The following LRBA variants were observed in gnomAD, a reference collection of about 807,000 sequenced individuals.
The protein encoded by LRBA is LPS responsive beige-like anchor protein, also known as lipopolysaccharide-responsive and beige-like anchor protein.
Under a neutral mutation model 330.0 loss-of-function variants are expected in LRBA, and 176 were observed. The ratio of observed to expected loss-of-function variants is 0.53; its 90% CI spans 0.47 to 0.60. LRBA has a LOEUF of 0.60. LRBA is among the 20% of genes least tolerant of loss of function. The pLI is 0.00. For synonymous variants in LRBA, 1,230 were observed against 1,193.0 expected (o/e 1.03, Z -0.64); for missense variants, 3,259 against 3,444.8 (o/e 0.95, Z 1.35).
Position 150,418,019 on chromosome 4 carries a change from GT to G in LRBA, c.7042-2430del, listed in dbSNP as rs201449584. 8.0e-3 allele frequency among the ~76,000 whole-genome samples: 1,056 copies of G among 132,184 alleles called. 18 individuals are homozygous for G. The highest frequency in any genetic ancestry group is 0.041 in the Admixed American group (544 of 13,212). 86.7% of individuals were successfully genotyped at this position (132,184 alleles called of 152,430 possible). A position where few individuals can be genotyped will look rare whatever the true frequency, so the allele number is the denominator to read the frequency against. Reference sequence around the variant, plus strand: ...TCTCCACAAGTTTTTTTGGTTTTTTGTTTTTTTTTTTTTTGGTTAAGAGACA... The same window carrying G: ...TCTCCACAAGTTTTTTTGGTTTTTTGTTTTTTTTTTTTTGGTTAAGAGACA... On this transcript the variant is annotated intron_variant, in intron 46 of 56. Transcript: ENST00000651943.
At chr4:150,920,110 A>C (rs1217522557) in intron 5 of LRBA, among the ~76,000 whole-genome samples, 2 of 152,258 alleles carry the variant, frequency 1.3e-5, no homozygotes, top group African/African-American at 4.8e-5. Flanking sequence ...TAAATATCAC[A>C]AATGTCATAT....
At chr4:150,944,376 C>T (rs115641574) in intron 2 of LRBA, among the ~76,000 whole-genome samples, 2,960 of 152,234 alleles carry the variant, frequency 0.019, 52 homozygotes, top group Middle Eastern at 0.031. Flanking sequence ...TACATAGGCA[C>T]TTTACATAAG....
chr4:150,788,239 ATTTTTTTTTTTT>A lies in LRBA; in HGVS notation c.5580+9830_5580+9841del, dbSNP rs377479266. Among the ~76,000 whole-genome samples, 292 of 123,210 alleles carry A rather than the reference ATTTTTTTTTTTT, an allele frequency of 2.4e-3. 5 individuals carry two copies. The highest frequency in any genetic ancestry group is 0.012 in the South Asian group (48 of 3,998). 80.8% of individuals were successfully genotyped at this position (123,210 alleles called of 152,430 possible). ...AGGCACACACTACCACACCCGGTTA[ATTTTTTTTTTTT>A]TTTTTTTTTTTTTTTTTTGGTATTT... On this transcript the variant is annotated intron_variant, in intron 34 of 56. Transcript: ENST00000651943.
chr4:150,564,523 A>G (rs557680596), intron 40 of LRBA, among the ~76,000 whole-genome samples: 1 of 152,214 alleles, frequency 6.6e-6, no homozygotes, highest in Non-Finnish European at 1.5e-5. Flanking sequence ...CAACAAAGCC[A>G]AAATAGACAA....
intron 38 of LRBA, among the ~76,000 whole-genome samples, chr4:150,595,907 G>A (rs1773437645): frequency 6.6e-6 from 1 of 151,858 alleles, no homozygotes; most frequent in Non-Finnish European, 1.5e-5. Flanking sequence ...ACAAATCATT[G>A]CTACCAATTT....
chr4:150,305,182 G>C (rs78573797), intron 52 of LRBA, among the ~76,000 whole-genome samples: 1,779 of 152,238 alleles, frequency 0.012, 30 homozygotes, highest in African/African-American at 0.04. Context: ...GCAAAGAACA[G>C]CTATTCACTT....
intron 47 of LRBA, among the ~76,000 whole-genome samples, chr4:150,376,891 T>A (rs1314261028): frequency 1.3e-5 from 2 of 151,936 alleles, no homozygotes; most frequent in African/African-American, 2.4e-5. Flanking sequence ...CTCTTTTAGG[T>A]TGGTGGAAGT....
intron 42 of LRBA, among the ~76,000 whole-genome samples, chr4:150,483,695 G>C (rs1757555580): frequency 6.6e-6 from 1 of 151,982 alleles, no homozygotes; most frequent in South Asian, 2.1e-4. Context: ...ATTTTGGATA[G>C]AGCTGCTTTG....
intron 50 of LRBA, 113 bp from the exon 51 acceptor site, chr4:150,315,736 T>C (rs967081728): frequency 1.5e-6 from 1 of 681,280 alleles, no homozygotes; most frequent in South Asian, 2.1e-5. Context: ...AAATCTTTCA[T>C]GCAGTTTTGT....
At chr4:150,327,641 T>C (rs1322819165) in intron 48 of LRBA, among the ~76,000 whole-genome samples, 2 of 152,240 alleles carry the variant, frequency 1.3e-5, no homozygotes, top group Non-Finnish European at 2.9e-5. Flanking sequence ...AATTAGCTTA[T>C]CTCCGTTTCC....
At chr4:150,279,613 A>T (rs574491291) in intron 55 of LRBA, among the ~76,000 whole-genome samples, 14 of 152,370 alleles carry the variant, frequency 9.2e-5, no homozygotes, top group Non-Finnish European at 1.8e-4. Context: ...CATTTATTTC[A>T]CATTCACCCA....
intron 5 of LRBA, among the ~76,000 whole-genome samples, chr4:150,917,790 G>A (rs1732803434): frequency 6.6e-6 from 1 of 151,884 alleles, no homozygotes; most frequent in Non-Finnish European, 1.5e-5. Flanking sequence ...TTAGCCATGC[G>A]TGGTGGTGGG....
At chr4:150,763,635 T>TGA (rs1735385403) in intron 34 of LRBA, among the ~76,000 whole-genome samples, 1 of 151,800 alleles carries the variant, frequency 6.6e-6, no homozygotes. Flanking sequence ...GGTAGGAGAA[T>TGA]GATGACAAAA....
intron 47 of LRBA, among the ~76,000 whole-genome samples, chr4:150,414,626 G>A (rs1244764895): frequency 6.6e-6 from 1 of 152,040 alleles, no homozygotes; most frequent in Non-Finnish European, 1.5e-5. Context: ...AAGTAGCTGG[G>A]ATTACAGGCG....
rs1752900906 is a variant in LRBA, at chr4:150,867,690, A to G, written c.2747T>C (p.Leu916Ser). 1.9e-6 allele frequency: 3 copies of G among 1,608,896 alleles called. No homozygotes were observed. In the East Asian group the frequency reaches 6.8e-5, roughly 36 times the overall value. Residue 916 changes from leucine (L) to serine (S), a missense_variant, in exon 22 of 57, where the codon TTA (leucine) becomes TCA (serine). By Grantham distance (145) the Leu-to-Ser change is moderately radical. Coordinates refer to ENST00000651943, the MANE Select transcript of LRBA (RefSeq NM_001364905.1). Reference protein sequence around the residue: ...WGGWRVWVDTLSITHSKVTFE... With the variant: ...WGGWRVWVDTSSITHSKVTFE... ...ACTTACCTTTGAATGAGTGATTGAT[A>G]AAGTGTCTACCCATACACGCCAGCC...
intron 34 of LRBA, among the ~76,000 whole-genome samples, chr4:150,785,393 G>A (rs760029487): frequency 5.3e-5 from 8 of 152,162 alleles, no homozygotes; most frequent in Non-Finnish European, 8.8e-5. Flanking sequence ...AAAATGTCTG[G>A]TAATATTTAG....
intron 17 of LRBA, among the ~76,000 whole-genome samples, chr4:150,881,600 C>A (rs1379072011): frequency 1.3e-5 from 2 of 152,134 alleles, no homozygotes; most frequent in Non-Finnish European, 2.9e-5. Context: ...ATCAATCATA[C>A]CTCAAACCTC....
intron 51 of LRBA, among the ~76,000 whole-genome samples, chr4:150,311,844 T>C (rs1731112470): frequency 6.6e-6 from 1 of 152,210 alleles, no homozygotes; most frequent in South Asian, 2.1e-4. Context: ...ATAGTGTTAC[T>C]ACAGAGAGAC....
chr4:150,539,619 T>C (rs1765101108), intron 40 of LRBA, among the ~76,000 whole-genome samples: 1 of 152,208 alleles, frequency 6.6e-6, no homozygotes, highest in Non-Finnish European at 1.5e-5. Flanking sequence ...AAACAATATA[T>C]CTGCTCTGAA....
Sources: allele counts gnomAD v4.1 joint callset (sites outside exome capture counted in the v4.1 genomes callset), GRCh38; gene constraint gnomAD v4.1.1; transcripts MANE v1.5; gene names NCBI Gene and HGNC (gene_info 2026-07-23, HGNC 2026-07-21).